Variants in PPIG observed in about 807,000 individuals in gnomAD.
PPIG encodes peptidyl-prolyl cis-trans isomerase G.
A neutral mutation model predicts 87.9 loss-of-function variants in PPIG; 26 were observed. The observed-to-expected ratio is 0.30, with a 90% CI of 0.22 to 0.41. The LOEUF (loss-of-function observed/expected upper bound fraction) is 0.41. Ranked by LOEUF, PPIG falls within the 10% of genes least tolerant of loss-of-function variation. The pLI is 1.00. For synonymous variants in PPIG, 308 were observed against 276.5 expected (o/e 1.11, Z -1.13); for missense variants, 722 against 879.4 (o/e 0.82, Z 2.26).
rs1022451428 is a variant in PPIG at position 169,640,747 on chromosome 2, A to G, written c.*3224A>G. 4 of 152,244 alleles carry G rather than the reference A, an allele frequency of 2.6e-5. No homozygotes were observed. Among genetic ancestry groups the G allele is most frequent in the African/African-American group, 4.8e-5 (2 of 41,474 alleles). The allele number at this position is 152,244 out of a possible 1,614,324, so 9.4% of individuals were successfully genotyped here. A position where few individuals can be genotyped will look rare whatever the true frequency, so the allele number is the denominator to read the frequency against. On this transcript the variant is annotated 3_prime_UTR_variant, in exon 14 of 14. Transcript: ENST00000260970. ...TTACAAATACTTGTTTTAAAAATTA[A>G]TAAGCCCCCAGGAAGTACAGCATTG...
chr2:169,631,440 A>T, intron 10 of PPIG: 1 of 480,478 alleles, frequency 2.1e-6, no homozygotes, highest in Admixed American at 5.1e-5. Flanking sequence ...CCTATGGCTC[A>T]AATGCAGTTA....
intron 1 of PPIG, among the ~76,000 whole-genome samples, chr2:169,588,809 A>G (rs997257320): frequency 7.9e-5 from 12 of 151,920 alleles, no homozygotes; most frequent in African/African-American, 2.9e-4. Flanking sequence ...AAAAATACAA[A>G]TTTAGCCGGG....
chr2:169,641,212 A>AT lies in PPIG; in HGVS notation c.*3696dup, dbSNP rs986578150. 1.1e-4 allele frequency: 16 copies of AT among 152,088 alleles called. No homozygotes were observed. Among genetic ancestry groups the AT allele is most frequent in the African/African-American group, 3.6e-4 (15 of 41,422 alleles). 9.4% of individuals were successfully genotyped at this position (152,088 alleles called of 1,614,324 possible). ...CTAGCCCAAAAGTCACTGTGATTAT[A>AT]TTTTTTTAATGAAGTTTAGAAAAAA... On this transcript the variant is annotated 3_prime_UTR_variant, in exon 14 of 14. Transcript: ENST00000260970.
At chr2:169,600,740 A>T (rs931296283) in intron 1 of PPIG, among the ~76,000 whole-genome samples, 1 of 152,224 alleles carries the variant, frequency 6.6e-6, no homozygotes, top group African/African-American at 2.4e-5. Context: ...AGTTTCTTTC[A>T]TAAGTCTGCT....
intron 9 of PPIG, among the ~76,000 whole-genome samples, chr2:169,624,901 T>G (rs1443023988): frequency 6.6e-6 from 1 of 152,180 alleles, no homozygotes; most frequent in Admixed American, 6.5e-5. Context: ...GAAGTAGGTT[T>G]TTTGAAGAGT....
chr2:169,603,915 A>G (rs1420896593), intron 2 of PPIG, 111 bp from the exon 3 acceptor site: 2 of 803,350 alleles, frequency 2.5e-6, no homozygotes, highest in Admixed American at 5.5e-5. Flanking sequence ...AAATATCAAA[A>G]TAAATTCAAA....
intron 1 of PPIG, among the ~76,000 whole-genome samples, chr2:169,591,986 G>C (rs1182795133): frequency 1.6e-5 from 2 of 126,590 alleles, no homozygotes; most frequent in African/African-American, 5.9e-5. Context: ...GAGTGTAGTG[G>C]CATGATGACT....
chr2:169,635,370 TCTC>T (rs1268094791), intron 12 of PPIG, among the ~76,000 whole-genome samples: 1 of 152,316 alleles, frequency 6.6e-6, no homozygotes, highest in East Asian at 1.9e-4. Context: ...TGGTCTGTCT[TCTC>T]ATCATTTCTA....
intron 1 of PPIG, among the ~76,000 whole-genome samples, chr2:169,587,056 C>A (rs1421842531): frequency 1.3e-5 from 2 of 152,036 alleles, no homozygotes; most frequent in African/African-American, 4.8e-5. Flanking sequence ...GCCTCAGCCT[C>A]CCTAGTAGCT....
intron 1 of PPIG, among the ~76,000 whole-genome samples, chr2:169,590,141 A>C (rs1574432958): frequency 7.5e-6 from 1 of 133,304 alleles, no homozygotes; most frequent in Admixed American, 8.1e-5. Context: ...AAAAAAAAAA[A>C]GAAAAGAAAA....
chr2:169,592,506 A>G (rs1430690992), intron 1 of PPIG, among the ~76,000 whole-genome samples: 2 of 151,818 alleles, frequency 1.3e-5, no homozygotes, highest in African/African-American at 2.4e-5. Context: ...GGGTTTCACC[A>G]TGTTAGCCAG....
chr2:169,590,472 C>G (rs1480920336), intron 1 of PPIG, among the ~76,000 whole-genome samples: 1 of 152,064 alleles, frequency 6.6e-6, no homozygotes, highest in East Asian at 1.9e-4. Context: ...AACCCCATCT[C>G]TACTAAAAAA....
chr2:169,624,008 C>G (rs1192846590), intron 9 of PPIG, among the ~76,000 whole-genome samples: 1 of 152,070 alleles, frequency 6.6e-6, no homozygotes, highest in Admixed American at 6.6e-5. Flanking sequence ...TGTTCTGTTG[C>G]CAGGCTGGAG....
At position 169,590,388 on chromosome 2, in the gene PPIG, G is replaced by A. The variant is rs141742066; in HGVS notation, c.-70+5898G>A. Among the ~76,000 whole-genome samples the A allele has an allele frequency of 5.9e-3, 892 of 151,744 alleles. 8 individuals are homozygous for A. Among genetic ancestry groups the A allele is most frequent in the African/African-American group, 0.02 (829 of 41,374 alleles). ...TGGAGCAGTGGCTCAAGCCTGTAAC[G>A]CCAGCACTTTGGGAGGCCGAGGCAG... On this transcript the variant is annotated intron_variant, in intron 1 of 13. Coordinates refer to ENST00000260970, the MANE Select transcript of PPIG (RefSeq NM_004792.3).
At chr2:169,605,976 A>G in intron 4 of PPIG, 63 bp from the exon 5 acceptor site, 1 of 1,178,342 alleles carries the variant, frequency 8.5e-7, no homozygotes, top group South Asian at 1.3e-5. Context: ...TTTTACATTT[A>G]TTTTGCTTTC....
At chr2:169,607,262 T>C (rs1685359092) in intron 6 of PPIG, 114 bp downstream of exon 6, 1 of 619,578 alleles carries the variant, frequency 1.6e-6, no homozygotes, top group Non-Finnish European at 2.6e-6. Flanking sequence ...TCTAGCTGCC[T>C]TCAACTAATC....
chr2:169,586,624 A>G (rs1684712256), intron 1 of PPIG, among the ~76,000 whole-genome samples: 1 of 152,222 alleles, frequency 6.6e-6, no homozygotes, highest in Admixed American at 6.5e-5. Flanking sequence ...GCCTTAAATT[A>G]GATTTTCTGT....
intron 1 of PPIG, among the ~76,000 whole-genome samples, chr2:169,596,952 T>G (rs1297898224): frequency 6.6e-6 from 1 of 152,188 alleles, no homozygotes; most frequent in African/African-American, 2.4e-5. Flanking sequence ...TCTGCCCACC[T>G]TCGCCTCCCA....
intron 1 of PPIG, among the ~76,000 whole-genome samples, chr2:169,586,260 T>C (rs1684702238): frequency 6.6e-6 from 1 of 152,198 alleles, no homozygotes; most frequent in African/African-American, 2.4e-5. Flanking sequence ...TTTTAAGGCT[T>C]TTCTAGGCAG....
Sources: gnomAD v4.1 joint callset for allele counts (sites outside exome capture counted in the v4.1 genomes callset) on GRCh38, gnomAD v4.1.1 for gene constraint, MANE v1.5 for transcripts, NCBI Gene and HGNC (gene_info 2026-07-23, HGNC 2026-07-21) for gene names.